FAM185A: variants seen among roughly 807,000 people sequenced by gnomAD.
FAM185A encodes the protein family with sequence similarity 185 member A.
Under a neutral mutation model 45.7 loss-of-function variants are expected in FAM185A, and 21 were observed. That is an observed-to-expected ratio of 0.46 (90% CI 0.33 to 0.66). FAM185A has a LOEUF of 0.66. Among genes scored for constraint, FAM185A ranks in the 30% least tolerant of loss-of-function variants. The pLI is 0.03. For synonymous variants in FAM185A, 117 were observed against 194.0 expected, an observed-to-expected ratio of 0.60 and a Z score of 3.30; for missense variants, 305 against 485.4, an observed-to-expected ratio of 0.63 and a Z score of 3.49.
intron 6 of FAM185A, among the ~76,000 whole-genome samples, chr7:102,785,479 G>A (rs1387940299): frequency 6.6e-6 from 1 of 152,116 alleles, no homozygotes; most frequent in Non-Finnish European, 1.5e-5. Flanking sequence ...TACCAAAACA[G>A]AGATACAGAT....
chr7:102,759,775 T>G, intron 3 of FAM185A, among the ~76,000 whole-genome samples: 1 of 152,018 alleles, frequency 6.6e-6, no homozygotes, highest in African/African-American at 2.4e-5. Context: ...TTAAATGAGT[T>G]AATACAGGTA....
At chr7:102,814,283 A>G in the FAM185A span, 2 of 152,154 alleles carry the variant, frequency 1.3e-5, no homozygotes, top group Non-Finnish European at 2.9e-5. Flanking sequence ...ATGAGTAACT[A>G]TGATGTTTAC....
At chr7:102,822,190 G>T in the FAM185A span, 1 of 1,613,872 alleles carries the variant, frequency 6.2e-7, no homozygotes, top group Non-Finnish European at 8.5e-7. Context: ...CATCTCCATT[G>T]CTGAGTCAGT....
At chr7:102,812,653 T>C (rs550865677), downstream of FAM185A, among the ~76,000 whole-genome samples, 81 of 152,294 alleles carry the variant, frequency 5.3e-4, no homozygotes, top group Non-Finnish European at 3.2e-4. Context: ...GCTCAAACTC[T>C]TAGTTTGACA....
chr7:102,769,203 T>C (rs190793349), intron 4 of FAM185A, among the ~76,000 whole-genome samples: 2 of 152,274 alleles, frequency 1.3e-5, no homozygotes, highest in East Asian at 1.9e-4. Flanking sequence ...CTTAATTCCA[T>C]GGGTTTTTGT....
chr7:102,827,933 T>C, the FAM185A span, among the ~76,000 whole-genome samples: 1 of 152,194 alleles, frequency 6.6e-6, no homozygotes, highest in Non-Finnish European at 1.5e-5. Context: ...TTCTGTTCCA[T>C]TGGTCTATAT....
chr7:102,839,114 C>T, the FAM185A span, among the ~76,000 whole-genome samples: 1 of 152,220 alleles, frequency 6.6e-6, no homozygotes, highest in African/African-American at 2.4e-5. Flanking sequence ...GACATGTTGG[C>T]AGCAATGCTG....
the FAM185A span, among the ~76,000 whole-genome samples, chr7:102,845,830 A>G: frequency 6.6e-6 from 1 of 152,150 alleles, no homozygotes; most frequent in Middle Eastern, 3.2e-3. Flanking sequence ...TTTCTGACAG[A>G]TAAACTTCCC....
At chr7:102,833,425 G>A in the FAM185A span, among the ~76,000 whole-genome samples, 6 of 150,138 alleles carry the variant, frequency 4.0e-5, no homozygotes, top group Non-Finnish European at 8.9e-5. Context: ...CTATCTTTCT[G>A]AGCCTGTTTC....
At chr7:102,840,495 T>C in the FAM185A span, among the ~76,000 whole-genome samples, 1 of 152,218 alleles carries the variant, frequency 6.6e-6, no homozygotes, top group African/African-American at 2.4e-5. Flanking sequence ...AAAGAGTTGA[T>C]GGGTGTCTAT....
At chr7:102,788,567 C>T (rs1169411823) in intron 7 of FAM185A, among the ~76,000 whole-genome samples, 1 of 152,062 alleles carries the variant, frequency 6.6e-6, no homozygotes, top group African/African-American at 2.4e-5. Context: ...AAAATAATAC[C>T]TATACACTCC....
chr7:102,835,672 C>G, the FAM185A span, among the ~76,000 whole-genome samples: 44,946 of 109,682 alleles, frequency 0.41, 10,115 homozygotes, highest in African/African-American at 0.69. Context: ...TGCAGTGGCG[C>G]AATCTCGGCT....
At chr7:102,835,671 G>A in the FAM185A span, among the ~76,000 whole-genome samples, 3 of 120,214 alleles carry the variant, frequency 2.5e-5, no homozygotes, top group East Asian at 2.6e-4. Context: ...GTGCAGTGGC[G>A]CAATCTCGGC....
intron 6 of FAM185A, among the ~76,000 whole-genome samples, chr7:102,779,118 A>G (rs1472069238): frequency 6.6e-6 from 1 of 152,206 alleles, no homozygotes; most frequent in Non-Finnish European, 1.5e-5. Context: ...TAATTTTAAC[A>G]TAATATGCCT....
chr7:102,799,539 G>A, intron 7 of FAM185A, among the ~76,000 whole-genome samples: 1 of 152,228 alleles, frequency 6.6e-6, no homozygotes, highest in Non-Finnish European at 1.5e-5. Context: ...AAACTGTACT[G>A]AGGAAGAGGA....
the FAM185A span, among the ~76,000 whole-genome samples, chr7:102,835,108 T>C: frequency 6.6e-6 from 1 of 152,216 alleles, no homozygotes; most frequent in African/African-American, 2.4e-5. Context: ...CCCTAAGTCA[T>C]CATCTTTTCC....
intron 7 of FAM185A, among the ~76,000 whole-genome samples, chr7:102,798,034 T>C (rs1186438391): frequency 4.6e-5 from 7 of 152,138 alleles, no homozygotes; most frequent in Non-Finnish European, 8.8e-5. Context: ...AAAAAGAACA[T>C]AGAGATTCAT....
At chr7:102,825,240 G>A in the FAM185A span, among the ~76,000 whole-genome samples, 1 of 152,192 alleles carries the variant, frequency 6.6e-6, no homozygotes, top group Non-Finnish European at 1.5e-5. Context: ...AGATGTGGCA[G>A]TATTGAGAGG....
chr7:102,834,885 T>C, the FAM185A span, among the ~76,000 whole-genome samples: 1 of 109,420 alleles, frequency 9.1e-6, no homozygotes, highest in African/African-American at 4.3e-5. Flanking sequence ...ACAATGTGTG[T>C]GTGTGTGTGT....
Sources: allele counts gnomAD v4.1 joint callset (sites outside exome capture counted in the v4.1 genomes callset), GRCh38; gene constraint gnomAD v4.1.1; transcripts MANE v1.5; gene names NCBI Gene and HGNC (gene_info 2026-07-23, HGNC 2026-07-21).